FLG: variants seen among roughly 807,000 people sequenced by gnomAD.
FLG encodes filaggrin.
Under a neutral mutation model 3.8 loss-of-function variants are expected in FLG, and 6 were observed. The ratio of observed to expected loss-of-function variants is 1.60; its 90% CI spans 0.87 to 3.15. The LOEUF is 3.15. Among genes scored for constraint, FLG ranks in the 30% most tolerant of loss-of-function variants. The pLI is 0.00. For missense variants in FLG, 7,595 were observed against 5,050.9 expected, an observed-to-expected ratio of 1.50 and a Z score of -15.27; for synonymous variants, 2,551 against 1,931.6, an observed-to-expected ratio of 1.32 and a Z score of -8.41.
Position 152,310,118 on chromosome 1 carries a change from G to A in FLG, c.4768C>T (p.Gln1590Ter), listed in dbSNP as rs1427792884. The change falls in exon 3 of 3, where the codon CAG becomes TAG. Residue 1590 changes from glutamine to a stop codon, truncating the protein, a stop_gained. Coordinates refer to ENST00000368799, the MANE Select transcript of FLG (RefSeq NM_002016.2). LOFTEE classifies it low-confidence loss of function (END_TRUNC). Reference protein sequence around the residue: ...ESAGSKTSRRQGSSVSQDRDS... With the variant: ...ESAGSKTSRR Reference sequence around the variant, plus strand: ...CTGTCCTGACTAACACTGGATCCCTGGCGCCTGCTTGTCTTGGACCCCGCT... The same window carrying A: ...CTGTCCTGACTAACACTGGATCCCTAGCGCCTGCTTGTCTTGGACCCCGCT... The A allele has an allele frequency of 1.4e-5, 23 of 1,613,928 alleles. No individual in the cohort carries two copies. Among genetic ancestry groups the A allele is most frequent in the Non-Finnish European group, 1.9e-5 (22 of 1,179,990 alleles).
rs551515807 is a variant in FLG, at chr1:152,310,213, C to G, written c.4673G>C (p.Gly1558Ala). 1.4e-5 allele frequency: 22 copies of G among 1,613,604 alleles called. No individual in the cohort carries two copies. The highest frequency in any genetic ancestry group is 1.3e-4 in the Admixed American group (8 of 59,960). Reference protein sequence around the residue: ...EQSGDGSRHSGSRHHEPSTRA... With the variant: ...EQSGDGSRHSASRHHEPSTRA... Reference sequence around the variant, plus strand: ...AGTGGAAGGTTCATGGTGACGTGACCCTGAGTGCCTGGAGCCGTCTCCTGA... The same window carrying G: ...AGTGGAAGGTTCATGGTGACGTGACGCTGAGTGCCTGGAGCCGTCTCCTGA... Residue 1558 changes from glycine (G) to alanine (A), a missense_variant, in exon 3 of 3, where the codon GGG (glycine) becomes GCG (alanine). Transcript: ENST00000368799.
In FLG at chr1:152,304,852, C is replaced by T. The variant is rs530455148; in HGVS notation, c.10034G>A (p.Gly3345Glu). ...CTGTGTGTCTGACTCTTCTGAATGTCCCTCACTATCACTGGCCTGACTACC... is the reference window on the plus strand; with the variant it reads ...CTGTGTGTCTGACTCTTCTGAATGTTCCTCACTATCACTGGCCTGACTACC... ...SSGSQASDSEGHSEESDTQSV... is the reference protein window; with the variant it reads ...SSGSQASDSEEHSEESDTQSV... The change falls in exon 3 of 3, where the codon GGA becomes GAA. Residue 3345 changes from glycine (G) to glutamate (E), a missense_variant. Coordinates refer to ENST00000368799, the MANE Select transcript of FLG (RefSeq NM_002016.2). The T allele has an allele frequency of 1.9e-6, 3 of 1,613,896 alleles. No homozygotes were observed. The highest frequency in any genetic ancestry group is 4.5e-5 in the East Asian group (2 of 44,822).
chr1:152,315,861 A>C (rs1005617959), intron 1 of FLG, among the ~76,000 whole-genome samples: 4 of 152,234 alleles, frequency 2.6e-5, no homozygotes, highest in Admixed American at 6.5e-5. Context: ...CTTCCCCAAA[A>C]GCTAACTTAA....
In FLG at chr1:152,309,170, A is replaced by G. The variant is rs144574658; in HGVS notation, c.5716T>C (p.Ser1906Pro). ...TGGTTCCTGCTTGTCCTGGGCCCTG[A>G]TGATTGTCCCTGGCCCACCTGCGAG... The part of the protein sequence containing the change: ...RHSQVGQGQS[S>P]GPRTSRNQGS... Residue 1906 changes from serine (S) to proline (P), a missense_variant, in exon 3 of 3, where the codon TCA becomes CCA. By Grantham distance (74) the Ser-to-Pro change is moderately conservative. Transcript: ENST00000368799. 1.9e-6 allele frequency: 3 copies of G among 1,588,618 alleles called. No homozygotes were observed. In the African/African-American group the frequency reaches 4.4e-5, roughly 23 times the overall value.
At position 152,303,024 on chromosome 1, in the gene FLG, A is replaced by C; in HGVS notation, c.11862T>G (p.Ser3954Arg). 6.2e-7 allele frequency: 1 copy of C among 1,614,176 alleles called. No homozygotes were observed. Among genetic ancestry groups the C allele is most frequent in the Non-Finnish European group, 8.5e-7 (1 of 1,180,034 alleles). The change falls in exon 3 of 3, where the codon AGT (serine) becomes AGG (arginine). Residue 3954 changes from serine (S) to arginine (R), a missense_variant. Transcript: ENST00000368799. ...TGCCCTCAGATTGATAATGATAAGA[A>C]CTAGAACTGTGAGGACTGCCACGTG... ...IQSRGSPHSSSSYHYQSEGTE... is the reference protein window; with the variant it reads ...IQSRGSPHSSRSYHYQSEGTE...
rs750847788 is a variant in FLG at position 152,304,948 on chromosome 1, G to C, written c.9938C>G (p.Ser3313Cys). The C allele has an allele frequency of 4.0e-5, 65 of 1,613,800 alleles. No homozygotes were observed. The highest frequency in any genetic ancestry group is 5.2e-5 in the Non-Finnish European group (61 of 1,179,998). ...TCCACGCGGAATGCCTGAGTGTCTG[G>C]AGCTGTCTGCTGACTGCTGGTGGCG... Reference protein sequence around the residue: ...GSRHQQSADSSRHSGIPRGQA... With the variant: ...GSRHQQSADSCRHSGIPRGQA... The change falls in exon 3 of 3, where the codon TCC becomes TGC. Residue 3313 changes from serine (S) to cysteine (C), a missense_variant. Ser to Cys is a moderately radical substitution (Grantham distance 112). Transcript: ENST00000368799.
In FLG at chr1:152,314,097, A is replaced by C; in HGVS notation, c.789T>G (p.Ser263=). ...TCACTTGAGATGATGATTTGCCATCAGATGACCTTGATCTTTCATATATTT... is the reference window on the plus strand; with the variant it reads ...TCACTTGAGATGATGATTTGCCATCCGATGACCTTGATCTTTCATATATTT... ...ENKIYERSRS[S]DGKSSSQVNR... The change falls in exon 3 of 3, where the codon TCT becomes TCG. Residue 263 remains serine (S), a synonymous_variant. Coordinates refer to ENST00000368799, the MANE Select transcript of FLG (RefSeq NM_002016.2). The C allele has an allele frequency of 7.4e-6, 12 of 1,614,236 alleles. No homozygotes were observed. The highest frequency in any genetic ancestry group is 1.0e-5 in the Non-Finnish European group (12 of 1,180,036).
In FLG at chr1:152,305,114, G is replaced by A; in HGVS notation, c.9772C>T (p.His3258Tyr). ...TGCCCGTGACCGGCTCTGTCTTCGT[G>A]ATGGGACCTGGGGTGTCTGGAGCCG... is the stretch of plus-strand genomic sequence containing the variant. ...RHGSRHPRSH[H>Y]EDRAGHGHSA... The change falls in exon 3 of 3, where the codon CAC becomes TAC. Residue 3258 changes from histidine to tyrosine, a missense_variant. Coordinates refer to ENST00000368799, the MANE Select transcript of FLG (RefSeq NM_002016.2). 6.2e-7 allele frequency: 1 copy of A among 1,613,952 alleles called. No individual in the cohort carries two copies. Among genetic ancestry groups the A allele is most frequent in the South Asian group, 1.1e-5 (1 of 91,018 alleles).
rs972579811 is a variant in FLG at position 152,309,656 on chromosome 1, G to A, written c.5230C>T (p.Gln1744Ter). The A allele has an allele frequency of 1.2e-6, 2 of 1,613,658 alleles. No homozygotes were observed. The highest frequency in any genetic ancestry group is 2.7e-5 in the African/African-American group (2 of 74,822). ...CGTGTGGACTCTTGGTGGCTCTGCT[G>A]ATGGGGCCCAGCCTGTCCGTGGGCT... is the stretch of plus-strand genomic sequence containing the variant. The part of the protein sequence containing the change: ...VSAHGQAGPH[Q>*]QSHQESTRGQ... The change falls in exon 3 of 3, where the codon CAG becomes TAG. Residue 1744 changes from glutamine (Q) to a stop codon, truncating the protein, a stop_gained. Transcript: ENST00000368799. LOFTEE classifies it low-confidence loss of function (END_TRUNC).
In FLG at chr1:152,305,369, C is replaced by T. The variant is rs577488038; in HGVS notation, c.9517G>A (p.Asp3173Asn). The T allele has an allele frequency of 6.2e-7, 1 of 1,608,500 alleles. No individual in the cohort carries two copies. The highest frequency in any genetic ancestry group is 1.4e-5 in the African/African-American group (1 of 72,940). The part of the protein sequence containing the change: ...RTTRNEEQSG[D>N]SSRHSVSRHH... ...CGTGACACTGAGTGCCTGGAGCTGT[C>T]TCCTGATTGTTCCTCATTACGTGTT... The change falls in exon 3 of 3, where the codon GAC becomes AAC. Residue 3173 changes from aspartate (D) to asparagine (N), a missense_variant. Transcript: ENST00000368799.
chr1:152,303,973 C>T lies in FLG; in HGVS notation c.10913G>A (p.Arg3638Lys), dbSNP rs1651763337. The T allele has an allele frequency of 6.2e-7, 1 of 1,614,006 alleles. No individual in the cohort carries two copies. Among genetic ancestry groups the T allele is most frequent in the Non-Finnish European group, 8.5e-7 (1 of 1,180,034 alleles). The change falls in exon 3 of 3, where the codon AGA (arginine) becomes AAA (lysine). Residue 3638 changes from arginine (R) to lysine (K), a missense_variant. Transcript: ENST00000368799. The part of the protein sequence containing the change: ...SHHQQSADSS[R>K]HSGIGHGQAS... ...TTGTCCGTGCCCAATGCCTGAGTGT[C>T]TGGAGCTGTCTGCTGACTGCTGGTG...
chr1:152,308,369 A>G lies in FLG; in HGVS notation c.6517T>C (p.Ser2173Pro), dbSNP rs759398733. ...HSGSHHSHTT[S>P]QGRSDASRGQ... Reference sequence around the variant, plus strand: ...CGGGAGGCATCAGACCTTCCCTGGGATGTGGTGTGGCTGTGATGAGACCCT... The same window carrying G: ...CGGGAGGCATCAGACCTTCCCTGGGGTGTGGTGTGGCTGTGATGAGACCCT... Residue 2173 changes from serine to proline, a missense_variant, in exon 3 of 3, where the codon TCC becomes CCC. Coordinates refer to ENST00000368799, the MANE Select transcript of FLG (RefSeq NM_002016.2). 10 of 1,612,880 alleles carry G rather than the reference A, an allele frequency of 6.2e-6. No homozygotes were observed. The highest frequency in any genetic ancestry group is 4.0e-5 in the African/African-American group (3 of 74,640).
At position 152,311,517 on chromosome 1, in the gene FLG, A is replaced by T; in HGVS notation, c.3369T>A (p.Thr1123=). ...RSGSFIYQVS[T]HEQSESAHGR... is the part of the protein sequence containing the mutation. Reference sequence around the variant, plus strand: ...CATGGGCAGACTCAGACTGTTCATGAGTGCTCACCTGGTAGATGAAAGACC... The same window carrying T: ...CATGGGCAGACTCAGACTGTTCATGTGTGCTCACCTGGTAGATGAAAGACC... The change falls in exon 3 of 3, where the codon ACT becomes ACA. Residue 1123 remains threonine (T), a synonymous_variant. Transcript: ENST00000368799. The T allele has an allele frequency of 6.2e-7, 1 of 1,613,578 alleles. No homozygotes were observed. Among genetic ancestry groups the T allele is most frequent in the South Asian group, 1.1e-5 (1 of 91,044 alleles).
In FLG at chr1:152,303,373, T is replaced by A; in HGVS notation, c.11513A>T (p.Asp3838Val). Residue 3838 changes from aspartate to valine, a missense_variant, in exon 3 of 3, where the codon GAC becomes GTC. Coordinates refer to ENST00000368799, the MANE Select transcript of FLG (RefSeq NM_002016.2). The part of the protein sequence containing the change: ...SRHHEASTQA[D>V]SSRHSQSGQG... Reference sequence around the variant, plus strand: ...GCCGGACTGTGAGTGTCTAGAGCTGTCAGCCTGAGTGGAAGCTTCATGGTG... The same window carrying A: ...GCCGGACTGTGAGTGTCTAGAGCTGACAGCCTGAGTGGAAGCTTCATGGTG... 2 of 1,614,106 alleles carry A rather than the reference T, an allele frequency of 1.2e-6. No individual in the cohort carries two copies. Among genetic ancestry groups the A allele is most frequent in the Non-Finnish European group, 1.7e-6 (2 of 1,180,018 alleles).
chr1:152,304,678 G>A lies in FLG; in HGVS notation c.10208C>T (p.Thr3403Ile), dbSNP rs773011736. The part of the protein sequence containing the change: ...HEQSESAHGR[T>I]RTSTGRRQGS... ...TTGTCTTCGTCCAGTGCTGGTCCTG[G>A]TCCGCCCATGGGCAGACTCAGACTG... Residue 3403 changes from threonine to isoleucine, a missense_variant, in exon 3 of 3, where the codon ACC becomes ATC. By Grantham distance (89) the Thr-to-Ile change is moderately conservative. Coordinates refer to ENST00000368799, the MANE Select transcript of FLG (RefSeq NM_002016.2). 6.8e-6 allele frequency: 11 copies of A among 1,612,138 alleles called. No individual in the cohort carries two copies. In the East Asian group the frequency reaches 2.2e-4, roughly 33 times the overall value.
At position 152,314,094 on chromosome 1, in the gene FLG, A is replaced by C; in HGVS notation, c.792T>G (p.Asp264Glu). Reference sequence around the variant, plus strand: ...TGTTCACTTGAGATGATGATTTGCCATCAGATGACCTTGATCTTTCATATA... The same window carrying C: ...TGTTCACTTGAGATGATGATTTGCCCTCAGATGACCTTGATCTTTCATATA... ...NKIYERSRSSDGKSSSQVNRS... is the reference protein window; with the variant it reads ...NKIYERSRSSEGKSSSQVNRS... The change falls in exon 3 of 3, where the codon GAT (aspartate) becomes GAG (glutamate). Residue 264 changes from aspartate (D) to glutamate (E), a missense_variant. Asp to Glu is a conservative substitution (Grantham distance 45). Transcript: ENST00000368799. 1 of 1,614,218 alleles carries C rather than the reference A, an allele frequency of 6.2e-7. No individual in the cohort carries two copies. The highest frequency in any genetic ancestry group is 8.5e-7 in the Non-Finnish European group (1 of 1,180,038).
Position 152,308,458 on chromosome 1 carries a change from C to T in FLG, c.6428G>A (p.Gly2143Glu). 5 of 1,613,698 alleles carry T rather than the reference C, an allele frequency of 3.1e-6. No homozygotes were observed. Among genetic ancestry groups the T allele is most frequent in the East Asian group, 2.2e-5 (1 of 44,862 alleles). ...CCCCTGTCTTCCTCCTCTGCTTGGC[C>T]CCGGGTGTCCACGAATGGTGTCCTG... Reference protein sequence around the residue: ...EGQDTIRGHPGPSRGGRQGSH... With the variant: ...EGQDTIRGHPEPSRGGRQGSH... The change falls in exon 3 of 3, where the codon GGG becomes GAG. Residue 2143 changes from glycine (G) to glutamate (E), a missense_variant. Gly to Glu is a moderately conservative substitution (Grantham distance 98). Transcript: ENST00000368799.
Position 152,315,382 on chromosome 1 carries a change from A to C in FLG, c.75T>G (p.Thr25=), listed in dbSNP as rs1404139516. Residue 25 remains threonine (T), a synonymous_variant, in exon 2 of 3, where the codon ACT becomes ACG. Transcript: ENST00000368799. ...FKQYSKKDKN[T]DTLSKKELKE... ...TCAGCTCTTTTTTACTCAATGTGTC[A>C]GTGTTTTTATCTTTTTTTGAATATT... 6 of 1,612,520 alleles carry C rather than the reference A, an allele frequency of 3.7e-6. No individual in the cohort carries two copies. The highest frequency in any genetic ancestry group is 5.1e-6 in the Non-Finnish European group (6 of 1,179,174).
In FLG at chr1:152,310,230, G is replaced by A. The variant is rs527535174; in HGVS notation, c.4656C>T (p.Asp1552=). 67 of 1,613,692 alleles carry A rather than the reference G, an allele frequency of 4.2e-5. No homozygotes were observed. Among genetic ancestry groups the A allele is most frequent in the Non-Finnish European group, 4.8e-5 (57 of 1,179,984 alleles). ...RQTRNEEQSG[D]GSRHSGSRHH... is the part of the protein sequence containing the mutation. ...GACGTGACCCTGAGTGCCTGGAGCC[G>A]TCTCCTGATTGTTCCTCATTTCTTG... is the stretch of plus-strand genomic sequence containing the variant. The change falls in exon 3 of 3, where the codon GAC becomes GAT. Residue 1552 remains aspartate, a synonymous_variant. Coordinates refer to ENST00000368799, the MANE Select transcript of FLG (RefSeq NM_002016.2).
Sources: allele counts gnomAD v4.1 joint callset (sites outside exome capture counted in the v4.1 genomes callset), GRCh38; gene constraint gnomAD v4.1.1; transcripts MANE v1.5; gene names NCBI Gene and HGNC (gene_info 2026-07-23, HGNC 2026-07-21).